Variants in MGAT4C observed in about 807,000 individuals in gnomAD.
MGAT4C encodes the protein MGAT4 family member C.
A neutral mutation model predicts 40.1 loss-of-function variants in MGAT4C; 19 were observed. The observed-to-expected ratio is 0.47, with a 90% confidence interval of 0.33 to 0.70. The LOEUF (loss-of-function observed/expected upper bound fraction) is 0.70. Among genes scored for constraint, MGAT4C ranks in the 30% least tolerant of loss-of-function variants. MGAT4C has a pLI of 0.02. For missense variants in MGAT4C, 491 were observed against 563.2 expected, an observed-to-expected ratio of 0.87 and a Z score of 1.30; for synonymous variants, 181 against 187.1, an observed-to-expected ratio of 0.97 and a Z score of 0.27.
chr12:86,445,841 A>G (rs1305148212), intron 2 of MGAT4C, among the ~76,000 whole-genome samples: 1 of 152,154 alleles, frequency 6.6e-6, no homozygotes, highest in African/African-American at 2.4e-5. Context: ...GTTACATTTT[A>G]TTTTGGAAAA....
chr12:86,328,180 T>G (rs1322131381), intron 4 of MGAT4C, among the ~76,000 whole-genome samples: 1 of 152,178 alleles, frequency 6.6e-6, no homozygotes, highest in Non-Finnish European at 1.5e-5. Context: ...TTAGTAACAT[T>G]AATATACCAT....
At chr12:86,792,558 G>T (rs1009682787) in intron 1 of MGAT4C, among the ~76,000 whole-genome samples, 3 of 152,070 alleles carry the variant, frequency 2.0e-5, no homozygotes, top group African/African-American at 7.2e-5. Context: ...TTGATAGAAT[G>T]CTAAGGCCCC....
At chr12:86,629,007 C>T (rs911033726) in intron 2 of MGAT4C, among the ~76,000 whole-genome samples, 2 of 151,896 alleles carry the variant, frequency 1.3e-5, no homozygotes, top group Admixed American at 6.6e-5. Context: ...ATTCAGGAGA[C>T]CCATTTCATA....
At chr12:86,808,649 G>A (rs1952410298) in intron 1 of MGAT4C, among the ~76,000 whole-genome samples, 1 of 151,848 alleles carries the variant, frequency 6.6e-6, no homozygotes, top group South Asian at 2.1e-4. Flanking sequence ...AGCCATTTAT[G>A]ACAAACCCAC....
chr12:86,577,927 G>C (rs61950823), intron 2 of MGAT4C, among the ~76,000 whole-genome samples: 4,054 of 151,724 alleles, frequency 0.027, 86 homozygotes, highest in Admixed American at 0.043. Flanking sequence ...ATTATGGGTA[G>C]GGTCATAAGA....
rs1883136450 is a variant in MGAT4C, at chr12:85,962,004, T to G, written c.*17285A>C. 4 of 152,020 alleles carry G rather than the reference T, an allele frequency of 2.6e-5. No individual in the cohort carries two copies. The Middle Eastern group carries it at 0.014, about 517-fold the overall frequency. 9.4% of individuals were successfully genotyped at this position (152,020 alleles called of 1,614,324 possible). On this transcript the variant is annotated 3_prime_UTR_variant, in exon 5 of 5. Transcript: ENST00000611864. ...TTGTGTATCTGAATGGAACATGTGG[T>G]AAACACAACAGTAGAATATACCTAC...
chr12:86,820,818 G>A (rs1049710430), intron 1 of MGAT4C, among the ~76,000 whole-genome samples: 7 of 150,826 alleles, frequency 4.6e-5, no homozygotes, highest in African/African-American at 1.7e-4. Flanking sequence ...CTAATATTAA[G>A]TCACAGTGGA....
chr12:86,213,350 C>T (rs1326399494), intron 1 of MGAT4C, among the ~76,000 whole-genome samples: 1 of 152,138 alleles, frequency 6.6e-6, no homozygotes, highest in Non-Finnish European at 1.5e-5. Flanking sequence ...CTGAGAATCA[C>T]TGTAATAGAT....
intron 1 of MGAT4C, among the ~76,000 whole-genome samples, chr12:86,171,443 G>A (rs1458166010): frequency 3.9e-5 from 6 of 152,124 alleles, no homozygotes; most frequent in African/African-American, 1.4e-4. Flanking sequence ...AAATAGCTAA[G>A]ATATCACTGA....
chr12:86,491,480 G>C (rs1430111396), intron 2 of MGAT4C, among the ~76,000 whole-genome samples: 2 of 151,896 alleles, frequency 1.3e-5, no homozygotes, highest in South Asian at 4.2e-4. Flanking sequence ...GGGATGCAAG[G>C]CTGGTTCAAT....
intron 1 of MGAT4C, among the ~76,000 whole-genome samples, chr12:86,202,887 T>G (rs899007404): frequency 6.6e-6 from 1 of 152,116 alleles, no homozygotes; most frequent in African/African-American, 2.4e-5. Context: ...ATGTCCAAAT[T>G]TTTATTTACT....
intron 2 of MGAT4C, among the ~76,000 whole-genome samples, chr12:86,441,037 T>C (rs907906724): frequency 1.6e-4 from 24 of 152,132 alleles, no homozygotes; most frequent in African/African-American, 5.6e-4. Flanking sequence ...ATGATCATAC[T>C]GCCCAAAGCA....
chr12:86,161,781 T>C (rs1306174778), intron 1 of MGAT4C, among the ~76,000 whole-genome samples: 1 of 151,948 alleles, frequency 6.6e-6, no homozygotes, highest in Non-Finnish European at 1.5e-5. Flanking sequence ...ATACTCAGAA[T>C]CTATAGGGGA....
At chr12:86,513,899 T>TAA (rs1196538577) in intron 2 of MGAT4C, among the ~76,000 whole-genome samples, 1 of 152,024 alleles carries the variant, frequency 6.6e-6, no homozygotes, top group Non-Finnish European at 1.5e-5. Flanking sequence ...ACAAACAAGG[T>TAA]AGCTGTGAAA....
rs1883803050 is a variant in MGAT4C at position 85,974,386 on chromosome 12, A to G, written c.*4903T>C. The G allele has an allele frequency of 6.6e-6, 1 of 150,686 alleles. No homozygotes were observed. The highest frequency in any genetic ancestry group is 6.6e-5 in the Admixed American group (1 of 15,068). The allele number at this position is 150,686 out of a possible 1,614,324, so 9.3% of individuals were successfully genotyped here. ...CTAAAAAATAATGCAAATGGTGCAT[A>G]TCCTTCTGTCTTTCTCTCATACACA... On this transcript the variant is annotated 3_prime_UTR_variant, in exon 5 of 5. Coordinates refer to ENST00000611864, the MANE Select transcript of MGAT4C (RefSeq NM_001351288.2).
chr12:86,216,502 A>G (rs143038892), intron 1 of MGAT4C, among the ~76,000 whole-genome samples: 1 of 152,222 alleles, frequency 6.6e-6, no homozygotes, highest in Non-Finnish European at 1.5e-5. Flanking sequence ...TTAGTGGGTT[A>G]TGTAGTATTG....
intron 1 of MGAT4C, among the ~76,000 whole-genome samples, chr12:86,055,998 T>C (rs1210773129): frequency 6.6e-6 from 1 of 152,130 alleles, no homozygotes; most frequent in Non-Finnish European, 1.5e-5. Context: ...TCTAGCTAAG[T>C]AAAATACTTG....
At chr12:86,252,100 CT>C in intron 1 of MGAT4C, among the ~76,000 whole-genome samples, 1 of 152,120 alleles carries the variant, frequency 6.6e-6, no homozygotes, top group Admixed American at 6.6e-5. Flanking sequence ...CTGTCTCTAA[CT>C]CTGAAAGAAG....
chr12:86,427,838 G>T (rs755053751), intron 3 of MGAT4C, among the ~76,000 whole-genome samples: 1 of 152,078 alleles, frequency 6.6e-6, no homozygotes, highest in South Asian at 2.1e-4. Context: ...GGCTAACACG[G>T]TGAAACCCCG....
Sources: gnomAD v4.1 joint callset for allele counts (sites outside exome capture counted in the v4.1 genomes callset) on GRCh38, gnomAD v4.1.1 for gene constraint, MANE v1.5 for transcripts, NCBI Gene and HGNC (gene_info 2026-07-23, HGNC 2026-07-21) for gene names.